The following PFDN1 variants were observed in gnomAD, a reference collection of about 807,000 sequenced individuals.
The protein encoded by PFDN1 is prefoldin 1.
In PFDN1, 6 loss-of-function variants were observed where a neutral mutation model predicts 17.3. That is an observed-to-expected ratio of 0.35 (90% CI 0.19 to 0.69). The LOEUF is 0.69. PFDN1 is among the 30% of genes least tolerant of loss of function. The pLI is 0.65. For synonymous variants in PFDN1, 58 were observed against 50.1 expected (o/e 1.16, Z -0.67); for missense variants, 113 against 146.2 (o/e 0.77, Z 1.17).
At chr5:140,267,907 G>T (rs911476081) in intron 3 of PFDN1, among the ~76,000 whole-genome samples, 5 of 152,170 alleles carry the variant, frequency 3.3e-5, no homozygotes, top group Admixed American at 3.3e-4. Context: ...TCCTGACCTG[G>T]AAGTATTGTT....
rs557368611 is a variant in PFDN1, at chr5:140,298,328, A to G, written c.200+2088T>C. On this transcript the variant is annotated intron_variant, in intron 2 of 3. Coordinates refer to ENST00000261813, the MANE Select transcript of PFDN1 (RefSeq NM_002622.5). The stretch of plus-strand genomic sequence containing the variant: ...TTTACACATGTTATTCTTTCTTCAA[A>G]TCAATCACAAAACAAGTCATCCCGA... Among the ~76,000 whole-genome samples the G allele has an allele frequency of 3.9e-5, 6 of 152,260 alleles. No individual in the cohort carries two copies. In the East Asian group the frequency reaches 5.8e-4, roughly 15 times the overall value.
chr5:140,247,897 T>TC (rs1758111022), intron 3 of PFDN1, among the ~76,000 whole-genome samples: 1 of 151,700 alleles, frequency 6.6e-6, no homozygotes, highest in Non-Finnish European at 1.5e-5. Context: ...GCCATCGCAC[T>TC]CCAGCCTGGG....
Position 140,245,315 on chromosome 5 carries a change from C to T in PFDN1, c.*659G>A. ...GAGACAGTCTTGGAGGTGCTGCTTA[C>T]TGTTGAACTTCCTTTTGGAATGTAT... On this transcript the variant is annotated 3_prime_UTR_variant, in exon 4 of 4. Transcript: ENST00000261813. 1.6e-6 allele frequency: 1 copy of T among 616,156 alleles called. No homozygotes were observed. Among genetic ancestry groups the T allele is most frequent in the Non-Finnish European group, 2.9e-6 (1 of 342,156 alleles). 38.2% of individuals were successfully genotyped at this position (616,156 alleles called of 1,614,324 possible).
chr5:140,271,655 C>T (rs1722687937), intron 3 of PFDN1, among the ~76,000 whole-genome samples: 2 of 152,014 alleles, frequency 1.3e-5, no homozygotes, highest in Non-Finnish European at 2.9e-5. Flanking sequence ...ATTATCTTAG[C>T]AAGATGCTAA....
intron 2 of PFDN1, among the ~76,000 whole-genome samples, chr5:140,289,131 T>G (rs181666414): frequency 5.0e-4 from 76 of 151,722 alleles, no homozygotes; most frequent in Non-Finnish European, 8.4e-4. Flanking sequence ...ACAAAAAAAT[T>G]TTTAAATTAG....
chr5:140,281,738 TATTTA>T, intron 2 of PFDN1: 1 of 486,182 alleles, frequency 2.1e-6, no homozygotes. Context: ...TCTGCTTTCT[TATTTA>T]ATATAGGAAT....
chr5:140,266,291 C>T (rs979049560), intron 3 of PFDN1, among the ~76,000 whole-genome samples: 10 of 152,188 alleles, frequency 6.6e-5, no homozygotes, highest in African/African-American at 2.2e-4. Context: ...CTGGTCCAAC[C>T]TACCATCATC....
At chr5:140,275,137 G>A (rs909570620) in intron 3 of PFDN1, among the ~76,000 whole-genome samples, 6 of 152,068 alleles carry the variant, frequency 3.9e-5, no homozygotes, top group African/African-American at 9.6e-5. Flanking sequence ...TGCCAGGCGC[G>A]GTGGCTCACA....
chr5:140,292,304 A>C (rs1765592215), intron 2 of PFDN1, among the ~76,000 whole-genome samples: 1 of 152,218 alleles, frequency 6.6e-6, no homozygotes, highest in African/African-American at 2.4e-5. Flanking sequence ...TGAGTATTAG[A>C]AGACAGACAG....
At chr5:140,263,894 G>A (rs796579652) in intron 3 of PFDN1, among the ~76,000 whole-genome samples, 19 of 151,518 alleles carry the variant, frequency 1.3e-4, no homozygotes, top group African/African-American at 3.9e-4. Flanking sequence ...GGTGGCGGGC[G>A]CCTGTAGTCC....
At position 140,268,439 on chromosome 5, in the gene PFDN1, G is replaced by T. The variant is rs529802056; in HGVS notation, c.285+13010C>A. ...GGCCAAGGTGGACCGCTTGAGGCCAGGAGTTCAAGATCAGCCTGGCCAACG... is the reference window on the plus strand; with the variant it reads ...GGCCAAGGTGGACCGCTTGAGGCCATGAGTTCAAGATCAGCCTGGCCAACG... On this transcript the variant is annotated intron_variant, in intron 3 of 3. Transcript: ENST00000261813. 2.0e-5 allele frequency among the ~76,000 whole-genome samples: 3 copies of T among 152,252 alleles called. No homozygotes were observed. In the East Asian group the frequency reaches 5.8e-4, roughly 29 times the overall value.
Position 140,281,430 on chromosome 5 carries a change from A to G in PFDN1, c.285+19T>C. The G allele has an allele frequency of 9.0e-7, 1 of 1,106,702 alleles. No homozygotes were observed. Among genetic ancestry groups the G allele is most frequent in the Non-Finnish European group, 1.4e-6 (1 of 720,834 alleles). The allele number at this position is 1,106,702 out of a possible 1,614,324, so 68.6% of individuals were successfully genotyped here. Reference sequence around the variant, plus strand: ...TACTTTCTCCCAAAAGTTAACTCCTATTGCCAATAAAAACTTACTTCTAGT... The same window carrying G: ...TACTTTCTCCCAAAAGTTAACTCCTGTTGCCAATAAAAACTTACTTCTAGT... On this transcript the variant is annotated intron_variant, in intron 3 of 3. Transcript: ENST00000261813.
At chr5:140,280,009 A>AAAAAAAAAAAAAAAG (rs1765367873) in intron 3 of PFDN1, among the ~76,000 whole-genome samples, 1 of 141,458 alleles carries the variant, frequency 7.1e-6, no homozygotes, top group Non-Finnish European at 1.5e-5. Context: ...AAAAAAAAAA[A>AAAAAAAAAAAAAAAG]AAAACAAAAA....
rs559209814 is a variant in PFDN1, at chr5:140,269,073, T to A, written c.285+12376A>T. Among the ~76,000 whole-genome samples the A allele has an allele frequency of 2.0e-3, 303 of 151,758 alleles. 2 individuals carry two copies. The highest frequency in any genetic ancestry group is 7.2e-3 in the African/African-American group (297 of 41,370). On this transcript the variant is annotated intron_variant, in intron 3 of 3. Transcript: ENST00000261813. The stretch of plus-strand genomic sequence containing the variant: ...TGTCACCCAGGCTGGAGTACAGTGG[T>A]GCTATCAAGGCTCACTGCAGCCTCA...
intron 3 of PFDN1, among the ~76,000 whole-genome samples, chr5:140,265,135 T>C (rs1435248701): frequency 6.6e-6 from 1 of 152,076 alleles, no homozygotes; most frequent in Non-Finnish European, 1.5e-5. Flanking sequence ...GTTGTCCACA[T>C]ACAGAGCACT....
intron 3 of PFDN1, among the ~76,000 whole-genome samples, chr5:140,267,959 A>C (rs553719768): frequency 2.0e-4 from 30 of 152,256 alleles, no homozygotes; most frequent in Non-Finnish European, 3.8e-4. Context: ...AGCAGAGTCA[A>C]ACGAACTAAA....
chr5:140,246,145 T>C, intron 3 of PFDN1, 88 bp from the exon 4 acceptor site: 1 of 832,934 alleles, frequency 1.2e-6, no homozygotes, highest in Non-Finnish European at 2.0e-6. Context: ...GGTTATGGCT[T>C]TTCCTTTGTG....
chr5:140,282,335 T>C (rs1315175726), intron 2 of PFDN1, among the ~76,000 whole-genome samples: 1 of 151,798 alleles, frequency 6.6e-6, no homozygotes, highest in Non-Finnish European at 1.5e-5. Context: ...GTTTTGTTTT[T>C]TCAGTTATCT....
chr5:140,281,410 T>C (rs753548943), intron 3 of PFDN1, 39 bp downstream of exon 3: 44 of 855,640 alleles, frequency 5.1e-5, no homozygotes, highest in Non-Finnish European at 8.6e-5. Context: ...ATTACTACTT[T>C]CTCCCAAAAG....
Sources: allele counts gnomAD v4.1 joint callset (sites outside exome capture counted in the v4.1 genomes callset), GRCh38; gene constraint gnomAD v4.1.1; transcripts MANE v1.5; gene names NCBI Gene and HGNC (gene_info 2026-07-23, HGNC 2026-07-21).